TRAPPC9: variants seen among roughly 807,000 people sequenced by gnomAD.
The protein encoded by TRAPPC9 is IKK2 binding protein.
In TRAPPC9, 83 loss-of-function variants were observed where a neutral mutation model predicts 124.0. The observed-to-expected ratio is 0.67, with a 90% CI of 0.56 to 0.80. TRAPPC9 has a LOEUF of 0.80. TRAPPC9 is among the 30% of genes least tolerant of loss of function. The pLI is 0.00. For missense variants in TRAPPC9, 1,302 were observed against 1,508.3 expected, an observed-to-expected ratio of 0.86 and a Z score of 2.27; for synonymous variants, 638 against 617.5, an observed-to-expected ratio of 1.03 and a Z score of -0.49.
chr8:140,197,226 CA>C (rs2062691420), intron 17 of TRAPPC9, among the ~76,000 whole-genome samples: 1 of 152,138 alleles, frequency 6.6e-6, no homozygotes, highest in African/African-American at 2.4e-5. Flanking sequence ...GACCTTGAGA[CA>C]AATGTAGGAT....
At chr8:139,844,846 C>T (rs1326948394) in intron 21 of TRAPPC9, among the ~76,000 whole-genome samples, 3 of 152,214 alleles carry the variant, frequency 2.0e-5, no homozygotes, top group Admixed American at 1.3e-4. Context: ...TGCCTTTGCC[C>T]GGGGCCCCCA....
intron 18 of TRAPPC9, among the ~76,000 whole-genome samples, chr8:140,011,961 A>G (rs927817086): frequency 6.6e-6 from 1 of 152,148 alleles, no homozygotes; most frequent in African/African-American, 2.4e-5. Flanking sequence ...TACAGGCATG[A>G]GCCACTGCGC....
At chr8:140,029,372 G>A (rs1840358326) in intron 17 of TRAPPC9, among the ~76,000 whole-genome samples, 1 of 152,200 alleles carries the variant, frequency 6.6e-6, no homozygotes, top group Non-Finnish European at 1.5e-5. Context: ...GAGCTTAGTG[G>A]CGCAGGCCTG....
intron 2 of TRAPPC9, among the ~76,000 whole-genome samples, chr8:140,440,069 A>C (rs2070954318): frequency 6.6e-6 from 1 of 152,124 alleles, no homozygotes; most frequent in African/African-American, 2.4e-5. Context: ...GGAATTTAGC[A>C]TTTCCATTCT....
chr8:139,959,743 G>A (rs1433513069), intron 19 of TRAPPC9, among the ~76,000 whole-genome samples: 3 of 152,234 alleles, frequency 2.0e-5, no homozygotes, highest in Non-Finnish European at 4.4e-5. Flanking sequence ...AGCCAGAAGA[G>A]AAGGGCGAAG....
intron 17 of TRAPPC9, among the ~76,000 whole-genome samples, chr8:140,108,896 A>T (rs1177390446): frequency 6.6e-6 from 1 of 152,234 alleles, no homozygotes; most frequent in Non-Finnish European, 1.5e-5. Context: ...CTAAGAATAG[A>T]TTGAAAACCA....
intron 17 of TRAPPC9, among the ~76,000 whole-genome samples, chr8:140,081,327 G>A (rs1321343782): frequency 6.8e-6 from 1 of 147,936 alleles, no homozygotes; most frequent in Non-Finnish European, 1.5e-5. Flanking sequence ...CATAGTCAAG[G>A]TGAAGAATAA....
At chr8:140,019,179 C>G (rs10113081) in intron 18 of TRAPPC9, among the ~76,000 whole-genome samples, 71,981 of 151,998 alleles carry the variant, frequency 0.47, 17,602 homozygotes, top group Middle Eastern at 0.63. Flanking sequence ...CTGTTTTGTC[C>G]CTTTCATATA....
chr8:140,457,983 G>A (rs1354344138), upstream of TRAPPC9, among the ~76,000 whole-genome samples: 1 of 123,634 alleles, frequency 8.1e-6, no homozygotes, highest in Non-Finnish European at 1.8e-5. Context: ...AGGAGCGAGG[G>A]AGAGAAGCGG....
At chr8:140,093,278 T>A (rs966276804) in intron 17 of TRAPPC9, among the ~76,000 whole-genome samples, 1 of 152,204 alleles carries the variant, frequency 6.6e-6, no homozygotes, top group Admixed American at 6.5e-5. Flanking sequence ...AGGCTGGAGT[T>A]CTACTGGTGT....
chr8:140,196,050 T>TCA (rs1270776487), intron 17 of TRAPPC9, among the ~76,000 whole-genome samples: 1 of 99,020 alleles, frequency 1.0e-5, no homozygotes, highest in Admixed American at 1.1e-4. Context: ...TAAAACACAT[T>TCA]GAACAATTCA....
chr8:140,081,937 A>T (rs1843849956), intron 17 of TRAPPC9: 1 of 152,212 alleles, frequency 6.6e-6, no homozygotes, highest in Non-Finnish European at 1.5e-5. Flanking sequence ...CAGTTTCTAG[A>T]TGTTGGTACC....
chr8:140,115,694 G>A (rs1206392858), intron 17 of TRAPPC9, among the ~76,000 whole-genome samples: 1 of 152,194 alleles, frequency 6.6e-6, no homozygotes, highest in East Asian at 1.9e-4. Context: ...AATGCACAGA[G>A]CAGGGGCTGG....
intron 18 of TRAPPC9, 109 bp downstream of exon 18, chr8:140,023,828 G>T: frequency 1.3e-6 from 2 of 1,547,648 alleles, no homozygotes; most frequent in Non-Finnish European, 1.8e-6. Flanking sequence ...TTGGCCCCAT[G>T]GCACGGATCT....
intron 17 of TRAPPC9, among the ~76,000 whole-genome samples, chr8:140,057,052 AAAG>A (rs1842326072): frequency 6.6e-6 from 1 of 152,254 alleles, no homozygotes; most frequent in Admixed American, 6.5e-5. Flanking sequence ...ACATTTCTCC[AAAG>A]AAGACATAGA....
intron 21 of TRAPPC9, among the ~76,000 whole-genome samples, chr8:139,870,539 G>C (rs1392772505): frequency 6.6e-6 from 1 of 152,186 alleles, no homozygotes; most frequent in Non-Finnish European, 1.5e-5. Flanking sequence ...AAAAGGTACA[G>C]AGTAAATAAA....
intron 21 of TRAPPC9, among the ~76,000 whole-genome samples, chr8:139,807,332 G>A (rs539772658): frequency 3.1e-4 from 47 of 152,292 alleles, no homozygotes; most frequent in East Asian, 5.8e-4. Flanking sequence ...TGACCCATGC[G>A]TTCAGAAGAG....
intron 17 of TRAPPC9, among the ~76,000 whole-genome samples, chr8:140,062,578 T>C (rs1448732089): frequency 1.3e-5 from 2 of 152,080 alleles, no homozygotes; most frequent in Non-Finnish European, 2.9e-5. Context: ...CCTCACTTCC[T>C]GTAAGCCCTG....
intron 16 of TRAPPC9, among the ~76,000 whole-genome samples, chr8:140,233,623 C>CCACACACACCCACACACACACACACA (rs1554648048): frequency 2.5e-4 from 23 of 90,864 alleles, no homozygotes; most frequent in Non-Finnish European, 4.7e-4. Context: ...TCTCTCCCCA[C>CCACACACACCCACACACACACACACA]CACACACACA....
Sources: allele counts gnomAD v4.1 joint callset (sites outside exome capture counted in the v4.1 genomes callset), GRCh38; gene constraint gnomAD v4.1.1; transcripts MANE v1.5; gene names NCBI Gene and HGNC (gene_info 2026-07-23, HGNC 2026-07-21).